Variants in SCNN1G observed in about 807,000 individuals in gnomAD.
SCNN1G encodes sodium channel epithelial 1 subunit gamma.
Under a neutral mutation model 64.6 loss-of-function variants are expected in SCNN1G, and 27 were observed. That is an observed-to-expected ratio of 0.42 (90% CI 0.31 to 0.58). The LOEUF is 0.58. Ranked by LOEUF, SCNN1G falls within the 20% of genes least tolerant of loss-of-function variation. SCNN1G has a pLI of 0.18. For missense variants in SCNN1G, 743 were observed against 823.4 expected (o/e 0.90, Z 1.19); for synonymous variants, 330 against 314.2 (o/e 1.05, Z -0.53).
Position 23,215,616 on chromosome 16 carries a change from C to A in SCNN1G, c.*147C>A. On this transcript the variant is annotated 3_prime_UTR_variant, in exon 13 of 13. Transcript: ENST00000300061. ...TGACCAAAAAGCCTGCTTTAAACCG[C>A]AAGATGGGGCCTGGGCATGCGCAGG... is the stretch of plus-strand genomic sequence containing the variant. 1.1e-6 allele frequency: 1 copy of A among 901,880 alleles called. No homozygotes were observed. The highest frequency in any genetic ancestry group is 2.0e-5 in the Admixed American group (1 of 48,928). The allele number at this position is 901,880 out of a possible 1,614,324, so 55.9% of individuals were successfully genotyped here. A position where few individuals can be genotyped will look rare whatever the true frequency, so the allele number is the denominator to read the frequency against.
chr16:23,184,325 T>C (rs4073930), intron 1 of SCNN1G, among the ~76,000 whole-genome samples: 31,545 of 152,018 alleles, frequency 0.21, 3,638 homozygotes, highest in Admixed American at 0.31. Flanking sequence ...CTGTTGAACA[T>C]TCACAGAGGA....
intron 6 of SCNN1G, among the ~76,000 whole-genome samples, chr16:23,207,118 A>G (rs925537566): frequency 6.6e-6 from 1 of 152,218 alleles, no homozygotes; most frequent in Non-Finnish European, 1.5e-5. Context: ...ATGAAGGGCC[A>G]TTGAGTACTC....
chr16:23,192,918 ACT>A (rs993094992), intron 4 of SCNN1G, among the ~76,000 whole-genome samples: 1 of 151,516 alleles, frequency 6.6e-6, no homozygotes, highest in Non-Finnish European at 1.5e-5. Flanking sequence ...AAAATACAAA[ACT>A]TAGCCAGGCA....
intron 6 of SCNN1G, among the ~76,000 whole-genome samples, chr16:23,201,364 G>C (rs1959886355): frequency 1.3e-5 from 2 of 152,092 alleles, no homozygotes; most frequent in Non-Finnish European, 2.9e-5. Flanking sequence ...CTCTGAGCTT[G>C]GAAATACCCA....
chr16:23,191,525 A>T (rs1305038979), intron 3 of SCNN1G, among the ~76,000 whole-genome samples: 1 of 152,194 alleles, frequency 6.6e-6, no homozygotes, highest in Non-Finnish European at 1.5e-5. Context: ...TCCTGGGCTC[A>T]AACAATTTTC....
Position 23,205,513 on chromosome 16 carries a change from C to T in SCNN1G, c.1078-4237C>T, listed in dbSNP as rs201994324. On this transcript the variant is annotated intron_variant, in intron 6 of 12. Coordinates refer to ENST00000300061, the MANE Select transcript of SCNN1G (RefSeq NM_001039.4). Reference sequence around the variant, plus strand: ...AGGAGTTCAAGACCAGCCTGACCAACATGGTGAAACCCCATCTCTACTAAA... The same window carrying T: ...AGGAGTTCAAGACCAGCCTGACCAATATGGTGAAACCCCATCTCTACTAAA... Among the ~76,000 whole-genome samples, 27 of 152,186 alleles carry T rather than the reference C, an allele frequency of 1.8e-4. No homozygotes were observed. The East Asian group carries it at 4.7e-3, about 26-fold the overall frequency.
chr16:23,183,088 T>C (rs77140171), intron 1 of SCNN1G, among the ~76,000 whole-genome samples: 4,121 of 152,314 alleles, frequency 0.027, 213 homozygotes, highest in African/African-American at 0.094. Context: ...CCTGGCCTCT[T>C]TTCTCCGCCC....
Position 23,186,452 on chromosome 16 carries a change from C to A in SCNN1G, c.181C>A (p.Leu61Met). 1.2e-6 allele frequency: 2 copies of A among 1,614,224 alleles called. No homozygotes were observed. Among genetic ancestry groups the A allele is most frequent in the Non-Finnish European group, 1.7e-6 (2 of 1,180,048 alleles). The change falls in exon 2 of 13, where the codon CTG becomes ATG. Residue 61 changes from leucine (L) to methionine (M), a missense_variant. Leu to Met is a conservative substitution (Grantham distance 15). Coordinates refer to ENST00000300061, the MANE Select transcript of SCNN1G (RefSeq NM_001039.4). ...LRRLLWIGFT[L>M]TAVALILWQC... ...CCGCCTCCTCTGGATCGGGTTCACA[C>A]TGACTGCCGTGGCCCTCATCCTCTG...
chr16:23,205,994 TCAAA>T lies in SCNN1G; in HGVS notation c.1078-3751_1078-3748del, dbSNP rs749116286. Among the ~76,000 whole-genome samples the T allele has an allele frequency of 1.2e-3, 176 of 152,126 alleles. 1 individual carries two copies. Among genetic ancestry groups the T allele is most frequent in the Non-Finnish European group, 1.5e-4 (10 of 67,992 alleles). On this transcript the variant is annotated intron_variant, in intron 6 of 12. Transcript: ENST00000300061. Reference sequence around the variant, plus strand: ...TTTTACTACTGGGAGAATCTCTCACTCAAACAAAGTCTTACCCAGAAATGTACAC... The same window carrying T: ...TTTTACTACTGGGAGAATCTCTCACTCAAAGTCTTACCCAGAAATGTACAC...
At chr16:23,208,348 T>TA (rs951450072) in intron 6 of SCNN1G, among the ~76,000 whole-genome samples, 30 of 148,548 alleles carry the variant, frequency 2.0e-4, no homozygotes, top group African/African-American at 3.0e-4. Flanking sequence ...CCCTCATCTC[T>TA]AAAAAAAAAA....
Position 23,189,477 on chromosome 16 carries a change from T to C in SCNN1G, c.424T>C (p.Ser142Pro). The C allele has an allele frequency of 6.2e-7, 1 of 1,613,884 alleles. No homozygotes were observed. The highest frequency in any genetic ancestry group is 8.5e-7 in the Non-Finnish European group (1 of 1,179,978). ...PESRKRREAE[S>P]WNSVSEGKQP... ...GTCCCGGAAGCGCCGAGAGGCGGAG[T>C]CCTGGAACTCCGTCTCAGAGGGAAA... The change falls in exon 3 of 13, where the codon TCC becomes CCC. Residue 142 changes from serine (S) to proline (P), a missense_variant. Coordinates refer to ENST00000300061, the MANE Select transcript of SCNN1G (RefSeq NM_001039.4).
chr16:23,213,588 C>T (rs1960116570), intron 11 of SCNN1G, among the ~76,000 whole-genome samples: 1 of 152,154 alleles, frequency 6.6e-6, no homozygotes, highest in African/African-American at 2.4e-5. Flanking sequence ...TTCATTTCCT[C>T]AAAGCTGGGA....
chr16:23,193,921 TC>T (rs1959752673), intron 4 of SCNN1G, among the ~76,000 whole-genome samples: 2 of 151,926 alleles, frequency 1.3e-5, no homozygotes, highest in Admixed American at 1.3e-4. Flanking sequence ...GAATGTCAAG[TC>T]AGGATAGAGA....
intron 1 of SCNN1G, among the ~76,000 whole-genome samples, chr16:23,185,096 C>T (rs1328794323): frequency 6.6e-6 from 1 of 152,212 alleles, no homozygotes; most frequent in Non-Finnish European, 1.5e-5. Flanking sequence ...AGGCGTATGC[C>T]ATAGCGGTGA....
At chr16:23,197,557 A>G in intron 6 of SCNN1G, 130 bp downstream of exon 6, 1 of 829,734 alleles carries the variant, frequency 1.2e-6, no homozygotes, top group African/African-American at 1.7e-5. Context: ...AGATTTTCCC[A>G]TGGTTATCCC....
chr16:23,213,273 T>TTTA lies in SCNN1G; in HGVS notation c.1493+110_1493+111insTTA, dbSNP rs149635780. On this transcript the variant is annotated intron_variant, in intron 11 of 12. Transcript: ENST00000300061. Reference sequence around the variant, plus strand: ...TCCTCTTTTTTTTTTTTTTTTTTTTTATGGAGTCTTACTCTGTCACCCAGG... The same window carrying TTTA: ...TCCTCTTTTTTTTTTTTTTTTTTTTTTTAATGGAGTCTTACTCTGTCACCCAGG... 7.1e-3 allele frequency: 4,919 copies of TTTA among 695,230 alleles called. 27 individuals carry two copies. Among genetic ancestry groups the TTTA allele is most frequent in the Non-Finnish European group, 8.6e-3 (3,506 of 407,212 alleles). The allele number at this position is 695,230 out of a possible 1,614,324, so 43.1% of individuals were successfully genotyped here.
chr16:23,211,202 C>T (rs1960073656), intron 7 of SCNN1G, among the ~76,000 whole-genome samples: 1 of 152,228 alleles, frequency 6.6e-6, no homozygotes, highest in South Asian at 2.1e-4. Flanking sequence ...GGTTAAGTAA[C>T]TTGCATGATG....
chr16:23,186,460 C>T lies in SCNN1G; in HGVS notation c.189C>T (p.Ala63=), dbSNP rs781467515. ...RLLWIGFTLT[A]VALILWQCAL... ...TCTGGATCGGGTTCACACTGACTGCCGTGGCCCTCATCCTCTGGCAGTGCG... is the reference window on the plus strand; with the variant it reads ...TCTGGATCGGGTTCACACTGACTGCTGTGGCCCTCATCCTCTGGCAGTGCG... The change falls in exon 2 of 13, where the codon GCC becomes GCT. Residue 63 remains alanine, a synonymous_variant. Transcript: ENST00000300061. 5 of 1,614,064 alleles carry T rather than the reference C, an allele frequency of 3.1e-6. No individual in the cohort carries two copies. The highest frequency in any genetic ancestry group is 2.2e-5 in the South Asian group (2 of 91,088).
At chr16:23,198,706 T>A (rs1010964218) in intron 6 of SCNN1G, among the ~76,000 whole-genome samples, 2 of 150,524 alleles carry the variant, frequency 1.3e-5, no homozygotes, top group African/African-American at 4.9e-5. Flanking sequence ...ACCATTGCAC[T>A]CCAGTCTCGG....
Sources: allele counts gnomAD v4.1 joint callset (sites outside exome capture counted in the v4.1 genomes callset), GRCh38; gene constraint gnomAD v4.1.1; transcripts MANE v1.5; gene names NCBI Gene and HGNC (gene_info 2026-07-23, HGNC 2026-07-21).